THSD7B: variants seen among roughly 807,000 people sequenced by gnomAD.
The protein encoded by THSD7B is thrombospondin type-1 domain-containing protein 7B.
Under a neutral mutation model 213.6 loss-of-function variants are expected in THSD7B, and 138 were observed. That is an observed-to-expected ratio of 0.65 (90% CI 0.56 to 0.74). THSD7B has a LOEUF of 0.74. Ranked by LOEUF, THSD7B falls within the 30% of genes least tolerant of loss-of-function variation. The probability of loss-of-function intolerance (pLI) is 0.00; values close to 1 mark genes in which losing one functional copy is unlikely to be tolerated. For missense variants in THSD7B, 1,931 were observed against 1,991.5 expected, an observed-to-expected ratio of 0.97 and a Z score of 0.58; for synonymous variants, 742 against 687.0, an observed-to-expected ratio of 1.08 and a Z score of -1.25.
chr2:137,145,813 C>G (rs10490738), intron 5 of THSD7B, among the ~76,000 whole-genome samples: 1 of 151,868 alleles, frequency 6.6e-6, no homozygotes, highest in East Asian at 1.9e-4. Flanking sequence ...TATGTAATAA[C>G]GCTTTCAGAA....
At position 137,667,802 on chromosome 2, in the gene THSD7B, C is replaced by A. The variant is rs753800930; in HGVS notation, c.4680C>A (p.Gly1560=). The A allele has an allele frequency of 6.2e-6, 10 of 1,606,342 alleles. No homozygotes were observed. Among genetic ancestry groups the A allele is most frequent in the South Asian group, 1.1e-5 (1 of 89,502 alleles). The change falls in exon 27 of 28, where the codon GGC becomes GGA. Residue 1560 remains glycine (G), a synonymous_variant. Transcript: ENST00000409968. ...PDGRVKIWVY[G]VSGGAFLIMI... ...GCCGAGTAAAAATTTGGGTTTATGG[C>A]GTTTCAGGTGGCGCTTTTCTCATCA...
At chr2:137,105,369 A>G (rs1688227146) in intron 4 of THSD7B, among the ~76,000 whole-genome samples, 1 of 152,208 alleles carries the variant, frequency 6.6e-6, no homozygotes, top group Admixed American at 6.5e-5. Context: ...CCTTCATGCT[A>G]TAAACTCAAT....
At chr2:137,464,773 T>G (rs551996671) in intron 15 of THSD7B, among the ~76,000 whole-genome samples, 39 of 152,160 alleles carry the variant, frequency 2.6e-4, no homozygotes, top group Non-Finnish European at 4.7e-4. Flanking sequence ...ATTTATTTAT[T>G]TTACTGAGGA....
chr2:136,918,182 TG>T (rs953087128), intron 2 of THSD7B, among the ~76,000 whole-genome samples: 3 of 152,338 alleles, frequency 2.0e-5, no homozygotes, highest in South Asian at 2.1e-4. Context: ...TGAAGAGCAT[TG>T]GGTCTGGAAA....
At chr2:136,946,985 C>G (rs1455942834) in intron 2 of THSD7B, among the ~76,000 whole-genome samples, 1 of 152,218 alleles carries the variant, frequency 6.6e-6, no homozygotes, top group South Asian at 2.1e-4. Context: ...CCTCCATGGG[C>G]TGCACCCACT....
At chr2:137,506,324 G>C (rs1679834077) in intron 15 of THSD7B, among the ~76,000 whole-genome samples, 1 of 152,152 alleles carries the variant, frequency 6.6e-6, no homozygotes, top group Admixed American at 6.5e-5. Context: ...TACACACAAG[G>C]GGGATTTTCT....
At chr2:137,551,710 A>C (rs1680851766) in intron 15 of THSD7B, among the ~76,000 whole-genome samples, 1 of 152,240 alleles carries the variant, frequency 6.6e-6, no homozygotes, top group South Asian at 2.1e-4. Flanking sequence ...TTGAGAACAC[A>C]TAATGCATAT....
chr2:137,377,500 G>C (rs1171370176), intron 12 of THSD7B, among the ~76,000 whole-genome samples: 1 of 152,026 alleles, frequency 6.6e-6, no homozygotes, highest in African/African-American at 2.4e-5. Context: ...AAGATTTCTG[G>C]AAAGCTGCAT....
chr2:137,355,541 T>A (rs1033454095), intron 12 of THSD7B, among the ~76,000 whole-genome samples: 2 of 152,130 alleles, frequency 1.3e-5, no homozygotes, highest in African/African-American at 4.8e-5. Flanking sequence ...AAAAATAAAC[T>A]TATATTTGTT....
chr2:137,008,522 A>C (rs946903548), intron 2 of THSD7B, among the ~76,000 whole-genome samples: 1 of 152,192 alleles, frequency 6.6e-6, no homozygotes, highest in Non-Finnish European at 1.5e-5. Flanking sequence ...ATAGTACTTT[A>C]GTTAACCAGG....
In THSD7B at chr2:137,192,466, A is replaced by G. The variant is rs570402304; in HGVS notation, c.1723+21528A>G. ...CTCCTGATAAGGTGTTATTTGGAAC[A>G]AAGCTGAAAGCATTGGTATACTTGT... is the stretch of plus-strand genomic sequence containing the variant. On this transcript the variant is annotated intron_variant, in intron 7 of 27. Transcript: ENST00000409968. Among the ~76,000 whole-genome samples the G allele has an allele frequency of 9.8e-5, 15 of 152,318 alleles. No individual in the cohort carries two copies. The South Asian group carries it at 3.1e-3, about 32-fold the overall frequency.
rs549566838 is a variant in THSD7B, at chr2:136,976,778, C to T, written c.140-79642C>T. Among the ~76,000 whole-genome samples the T allele has an allele frequency of 4.6e-5, 7 of 152,170 alleles. No homozygotes were observed. The East Asian group carries it at 5.8e-4, about 13-fold the overall frequency. On this transcript the variant is annotated intron_variant, in intron 2 of 27. Transcript: ENST00000409968. ...CTAGGACTACAGGCGCCTGCCACCA[C>T]GCCTGGCTAATTTTTTGTATTTTTA...
chr2:137,633,989 G>A (rs1194959070), intron 20 of THSD7B, among the ~76,000 whole-genome samples: 1 of 152,026 alleles, frequency 6.6e-6, no homozygotes, highest in Admixed American at 6.6e-5. Flanking sequence ...GTATTCCTTT[G>A]CTTCTTTTTC....
chr2:137,251,413 G>A (rs1186464532), intron 10 of THSD7B, among the ~76,000 whole-genome samples: 2 of 152,106 alleles, frequency 1.3e-5, no homozygotes, highest in African/African-American at 2.4e-5. Flanking sequence ...TAATGAAGTT[G>A]TATGACTATC....
chr2:136,935,642 C>A (rs2105053619), intron 2 of THSD7B, among the ~76,000 whole-genome samples: 1 of 152,080 alleles, frequency 6.6e-6, no homozygotes, highest in Non-Finnish European at 1.5e-5. Flanking sequence ...AGATTGTGAA[C>A]CCAGTGTCAT....
intron 12 of THSD7B, among the ~76,000 whole-genome samples, chr2:137,405,107 T>C (rs1686483905): frequency 1.4e-5 from 2 of 147,982 alleles, no homozygotes; most frequent in African/African-American, 5.0e-5. Context: ...TAAAAATTAA[T>C]AAGGAGAAAA....
chr2:136,950,589 T>C (rs1685019943), intron 2 of THSD7B, among the ~76,000 whole-genome samples: 1 of 152,190 alleles, frequency 6.6e-6, no homozygotes, highest in Non-Finnish European at 1.5e-5. Context: ...ACGATTAAGC[T>C]CAGATGGGGT....
intron 2 of THSD7B, among the ~76,000 whole-genome samples, chr2:136,946,926 C>T (rs1256070218): frequency 6.6e-6 from 1 of 151,816 alleles, no homozygotes; most frequent in Non-Finnish European, 1.5e-5. Context: ...AATCCCCCAA[C>T]CCCTTGCACT....
chr2:137,513,113 G>A (rs1344883377), intron 15 of THSD7B, among the ~76,000 whole-genome samples: 1 of 152,116 alleles, frequency 6.6e-6, no homozygotes, highest in Non-Finnish European at 1.5e-5. Flanking sequence ...AAATAACTCA[G>A]GTTCTCTAAG....
Sources: allele counts gnomAD v4.1 joint callset (sites outside exome capture counted in the v4.1 genomes callset), GRCh38; gene constraint gnomAD v4.1.1; transcripts MANE v1.5; gene names NCBI Gene and HGNC (gene_info 2026-07-23, HGNC 2026-07-21).